Variants in VPS8 observed in about 807,000 individuals in gnomAD.
The protein encoded by VPS8 is VPS8 subunit of CORVET complex, also known as vacuolar protein sorting-associated protein 8 homolog.
A neutral mutation model predicts 216.4 loss-of-function variants in VPS8; 129 were observed. That is an observed-to-expected ratio of 0.60 (90% CI 0.52 to 0.69). VPS8 has a LOEUF of 0.69. VPS8 is among the 30% of genes least tolerant of loss of function. VPS8 has a pLI of 0.00. For missense variants in VPS8, 1,531 were observed against 1,683.5 expected (o/e 0.91, Z 1.59); for synonymous variants, 571 against 565.4 (o/e 1.01, Z -0.14).
intron 39 of VPS8, among the ~76,000 whole-genome samples, chr3:184,971,154 T>G (rs140310241): frequency 6.6e-6 from 1 of 152,202 alleles, no homozygotes; most frequent in African/African-American, 2.4e-5. Flanking sequence ...AAATTCAACC[T>G]GTAGATTTTG....
rs1363095316 is a variant in VPS8 at position 184,920,184 on chromosome 3, G to A, written c.2440G>A (p.Asp814Asn). The change falls in exon 29 of 48, where the codon GAT becomes AAT. Residue 814 changes from aspartate to asparagine, a missense_variant. This residue lies in a region of VPS8 where 1,318 missense variants were observed against 1,468.4 expected (regional missense o/e 0.90). Transcript: ENST00000625842. ...QAVEYQQRIVDILLKVMVENS... is the reference protein window; with the variant it reads ...QAVEYQQRIVNILLKVMVENS... Reference sequence around the variant, plus strand: ...TGTGGAATATCAACAGCGAATTGTGGATATTTTGTTGAAAGTAAGTATTCA... The same window carrying A: ...TGTGGAATATCAACAGCGAATTGTGAATATTTTGTTGAAAGTAAGTATTCA... 6.6e-7 allele frequency: 1 copy of A among 1,522,350 alleles called. No individual in the cohort carries two copies. The highest frequency in any genetic ancestry group is 8.8e-7 in the Non-Finnish European group (1 of 1,135,426). The allele number at this position is 1,522,350 out of a possible 1,614,324, so 94.3% of individuals were successfully genotyped here. A position where few individuals can be genotyped will look rare whatever the true frequency, so the allele number is the denominator to read the frequency against.
At chr3:185,031,363 TC>T (rs1485197864) in intron 46 of VPS8, among the ~76,000 whole-genome samples, 2 of 152,168 alleles carry the variant, frequency 1.3e-5, no homozygotes, top group Non-Finnish European at 2.9e-5. Context: ...TAGCCCTTGA[TC>T]GATATAGATG....
At chr3:184,869,838 A>G (rs1394305487) in intron 20 of VPS8, among the ~76,000 whole-genome samples, 4 of 152,138 alleles carry the variant, frequency 2.6e-5, no homozygotes, top group African/African-American at 7.2e-5. Context: ...ACAGTGAGCT[A>G]TGATTGCGGC....
At chr3:185,045,178 A>AGAAAAGACATGATCTCGTTACGAATT (rs1342167576) in intron 46 of VPS8, among the ~76,000 whole-genome samples, 1 of 151,508 alleles carries the variant, frequency 6.6e-6, no homozygotes, top group African/African-American at 2.4e-5. Context: ...CACCAGTGTC[A>AGAAAAGACATGATCTCGTTACGAATT]ATACAAAGTG....
At chr3:185,023,656 C>T (rs1756957791) in intron 45 of VPS8, among the ~76,000 whole-genome samples, 1 of 151,942 alleles carries the variant, frequency 6.6e-6, no homozygotes, top group African/African-American at 2.4e-5. Context: ...GAAACTCTGT[C>T]TCAAAAAATA....
intron 31 of VPS8, among the ~76,000 whole-genome samples, chr3:184,926,889 A>T (rs1455191692): frequency 6.6e-6 from 1 of 152,204 alleles, no homozygotes; most frequent in African/African-American, 2.4e-5. Context: ...ATCTACCGTG[A>T]CATCAAAGAA....
intron 3 of VPS8, among the ~76,000 whole-genome samples, chr3:184,826,490 T>C (rs532357821): frequency 1.3e-5 from 2 of 152,246 alleles, no homozygotes; most frequent in African/African-American, 4.8e-5. Context: ...AGATAAAGAG[T>C]ATTTCCGTCA....
At chr3:185,043,666 A>C (rs1483283338) in intron 46 of VPS8, among the ~76,000 whole-genome samples, 1 of 152,244 alleles carries the variant, frequency 6.6e-6, no homozygotes, top group African/African-American at 2.4e-5. Context: ...GTCATTTTTA[A>C]GCAGAACACT....
At chr3:184,960,112 G>T (rs1746267324) in intron 37 of VPS8, among the ~76,000 whole-genome samples, 2 of 152,014 alleles carry the variant, frequency 1.3e-5, no homozygotes, top group African/African-American at 4.8e-5. Flanking sequence ...CCTTGCGATA[G>T]TTTGCTGAGA....
At chr3:184,873,779 A>G (rs1339432228) in intron 21 of VPS8, among the ~76,000 whole-genome samples, 2 of 152,098 alleles carry the variant, frequency 1.3e-5, no homozygotes, top group Non-Finnish European at 2.9e-5. Context: ...TGATTGTTCA[A>G]CTCTCAAGAC....
intron 44 of VPS8, 91 bp downstream of exon 44, chr3:184,996,592 T>G: frequency 7.1e-7 from 1 of 1,416,776 alleles, no homozygotes; most frequent in South Asian, 1.5e-5. Flanking sequence ...GGGTAGTCAT[T>G]CTAGCAGTGA....
Position 185,048,476 on chromosome 3 carries a change from C to G in VPS8, c.4057-3C>G, listed in dbSNP as rs1194205251. ...GTTAATCGTATCGGTTTTTATTTTT[C>G]AGGGAACCTCAGAACCTGTTCTGGA... On this transcript the variant is annotated splice_region_variant and splice_polypyrimidine_tract_variant and intron_variant, in intron 46 of 47. Coordinates refer to ENST00000625842, the MANE Select transcript of VPS8 (RefSeq NM_001009921.3). 2 of 1,613,892 alleles carry G rather than the reference C, an allele frequency of 1.2e-6. No individual in the cohort carries two copies. The highest frequency in any genetic ancestry group is 2.2e-5 in the South Asian group (2 of 91,052).
chr3:184,824,032 C>T (rs184508755), intron 1 of VPS8: 2 of 152,252 alleles, frequency 1.3e-5, no homozygotes, highest in East Asian at 1.9e-4. Context: ...TAGGTTTGCT[C>T]GTGTTGTATT....
At chr3:184,961,565 C>T (rs946853664) in intron 37 of VPS8, among the ~76,000 whole-genome samples, 16 of 152,056 alleles carry the variant, frequency 1.1e-4, no homozygotes, top group Non-Finnish European at 1.9e-4. Context: ...CCCCCCTCTC[C>T]CCTGAGGTCT....
At chr3:184,903,607 T>A (rs796623079) in intron 25 of VPS8, among the ~76,000 whole-genome samples, 9 of 150,208 alleles carry the variant, frequency 6.0e-5, no homozygotes, top group African/African-American at 2.3e-4. Context: ...CACCATGCCC[T>A]GCTGAATTAA....
chr3:184,968,988 A>C (rs1747881585), intron 39 of VPS8, among the ~76,000 whole-genome samples: 1 of 152,190 alleles, frequency 6.6e-6, no homozygotes, highest in African/African-American at 2.4e-5. Flanking sequence ...CATTTGATTG[A>C]CTTTGTTATA....
intron 38 of VPS8, 38 bp from the exon 39 acceptor site, chr3:184,966,633 T>C: frequency 1.4e-6 from 2 of 1,447,322 alleles, no homozygotes; most frequent in Non-Finnish European, 1.9e-6. Flanking sequence ...AACTATAAAG[T>C]GTTCCTTTTT....
intron 28 of VPS8, among the ~76,000 whole-genome samples, chr3:184,916,637 A>G (rs999971897): frequency 1.3e-5 from 2 of 152,190 alleles, no homozygotes; most frequent in African/African-American, 4.8e-5. Flanking sequence ...AATTGCATAG[A>G]AAGAAGAGAG....
At chr3:184,960,216 A>G (rs900430739) in intron 37 of VPS8, among the ~76,000 whole-genome samples, 8 of 152,010 alleles carry the variant, frequency 5.3e-5, no homozygotes, top group Admixed American at 2.0e-4. Context: ...TATGTGCCAC[A>G]TTTTCTTAAT....
Sources: allele counts gnomAD v4.1 joint callset (sites outside exome capture counted in the v4.1 genomes callset), GRCh38; gene constraint gnomAD v4.1.1; regional missense constraint gnomAD v4.1.1; transcripts MANE v1.5; gene names NCBI Gene and HGNC (gene_info 2026-07-23, HGNC 2026-07-21).